The following SAMD8 variants were observed in gnomAD, a reference collection of about 807,000 sequenced individuals.
The protein encoded by SAMD8 is sphingomyelin synthase-related protein 1.
A neutral mutation model predicts 42.0 loss-of-function variants in SAMD8; 20 were observed. The ratio of observed to expected loss-of-function variants is 0.48; its 90% CI spans 0.34 to 0.69. The LOEUF is 0.69. Ranked by LOEUF, SAMD8 falls within the 30% of genes least tolerant of loss-of-function variation. SAMD8 has a pLI of 0.01. For missense variants in SAMD8, 328 were observed against 511.6 expected, an observed-to-expected ratio of 0.64 and a Z score of 3.46; for synonymous variants, 162 against 173.0, an observed-to-expected ratio of 0.94 and a Z score of 0.50.
intron 1 of SAMD8, among the ~76,000 whole-genome samples, chr10:75,132,055 G>A (rs2134446961): frequency 6.6e-6 from 1 of 152,208 alleles, no homozygotes; most frequent in African/African-American, 2.4e-5. Flanking sequence ...TAGTTTCCTT[G>A]GAAGCCTAGG....
rs755976175 is a variant in SAMD8, at chr10:75,177,568, TTAGA to T, written c.*879_*882del. 1 of 152,236 alleles carries T rather than the reference TTAGA, an allele frequency of 6.6e-6. No individual in the cohort carries two copies. Among genetic ancestry groups the T allele is most frequent in the Non-Finnish European group, 1.5e-5 (1 of 68,044 alleles). 9.4% of individuals were successfully genotyped at this position (152,236 alleles called of 1,614,324 possible). On this transcript the variant is annotated 3_prime_UTR_variant, in exon 6 of 6. Coordinates refer to ENST00000542569, the MANE Select transcript of SAMD8 (RefSeq NM_001174156.2). The stretch of plus-strand genomic sequence containing the variant: ...CCAAATAGGAGTGTTTTACCAGATG[TTAGA>T]TAAAGTTCTTAATGCCGTTAAGTAG...
intron 1 of SAMD8, among the ~76,000 whole-genome samples, chr10:75,106,113 T>G (rs1358070790): frequency 6.6e-6 from 1 of 150,574 alleles, no homozygotes; most frequent in Non-Finnish European, 1.5e-5. Context: ...TTTTTTTTTT[T>G]TTTTTTTTAG....
Position 75,176,013 on chromosome 10 carries a change from A to C in SAMD8, c.793-53A>C. 6.4e-7 allele frequency: 1 copy of C among 1,568,276 alleles called. No homozygotes were observed. Among genetic ancestry groups the C allele is most frequent in the Non-Finnish European group, 8.6e-7 (1 of 1,158,752 alleles). On this transcript the variant is annotated intron_variant, in intron 4 of 5. Coordinates refer to ENST00000542569, the MANE Select transcript of SAMD8 (RefSeq NM_001174156.2). This position sits in a 1 kb window ranked among gnomAD's most constrained non-coding sequence, Gnocchi z 4.3. Reference sequence around the variant, plus strand: ...ATTTCAATAGGAATGGATGTTGGGAAGTTCCCACCTCCCTAAGCATTTGAA... The same window carrying C: ...ATTTCAATAGGAATGGATGTTGGGACGTTCCCACCTCCCTAAGCATTTGAA...
chr10:75,160,840 A>G (rs541876546), intron 2 of SAMD8, among the ~76,000 whole-genome samples: 6 of 152,282 alleles, frequency 3.9e-5, no homozygotes, highest in African/African-American at 1.4e-4. Context: ...GATAGGAGCT[A>G]AATAGGGGAA....
intron 1 of SAMD8, chr10:75,103,747 G>A: frequency 1.7e-6 from 1 of 573,204 alleles, no homozygotes; most frequent in Non-Finnish European, 2.6e-6. Context: ...AGCCCTGAGG[G>A]GAGCTGCTGG....
intron 1 of SAMD8, among the ~76,000 whole-genome samples, chr10:75,100,353 GC>G (rs1428235753): frequency 6.6e-6 from 1 of 152,068 alleles, no homozygotes; most frequent in African/African-American, 2.4e-5. Flanking sequence ...TCAGGGTGTT[GC>G]CCCACCTGTC....
In SAMD8 at chr10:75,105,924, C is replaced by G; in HGVS notation, c.-16+6196C>G. ...TCCCACACACCGGCCCACCCACGGG[C>G]TGGGATGGGGACCCAAGTTCCTTTC... On this transcript the variant is annotated intron_variant, in intron 1 of 3. Coordinates refer to the SAMD8 transcript ENST00000447533. The G allele has an allele frequency of 2.7e-6, 4 of 1,506,356 alleles. No homozygotes were observed. The South Asian group carries it at 4.9e-5, about 18-fold the overall frequency. 93.3% of individuals were successfully genotyped at this position (1,506,356 alleles called of 1,614,324 possible).
chr10:75,118,603 C>T (rs933788551), intron 1 of SAMD8, among the ~76,000 whole-genome samples: 6 of 152,080 alleles, frequency 3.9e-5, no homozygotes, highest in African/African-American at 1.4e-4. Flanking sequence ...GAGATCACGC[C>T]GCTGCATTCC....
At chr10:75,111,458 C>T, upstream of SAMD8, 1 of 1,201,190 alleles carries the variant, frequency 8.3e-7, no homozygotes, top group Non-Finnish European at 1.0e-6. Context: ...CCGGTAGAAC[C>T]CCGTCCCCGG....
upstream of SAMD8, among the ~76,000 whole-genome samples, chr10:75,106,895 A>G (rs1159759959): frequency 6.6e-6 from 1 of 152,256 alleles, no homozygotes; most frequent in Admixed American, 6.5e-5. Context: ...AGGAAACTGA[A>G]GTCCAGAAAG....
At position 75,176,651 on chromosome 10, in the gene SAMD8, C is replaced by A; in HGVS notation, c.1207C>A (p.Pro403Thr). The A allele has an allele frequency of 6.5e-7, 1 of 1,540,734 alleles. No homozygotes were observed. Among genetic ancestry groups the A allele is most frequent in the Non-Finnish European group, 8.7e-7 (1 of 1,143,720 alleles). ...CACAGTACCTAATGAATATTGTTGG[C>A]CATTTTCAAAACCAGCAATAATGAA... is the stretch of plus-strand genomic sequence containing the variant. ...NGTVPNEYCW[P>T]FSKPAIMKRL... Residue 403 changes from proline to threonine, a missense_variant, in exon 6 of 6, where the codon CCA becomes ACA. Transcript: ENST00000542569. This position sits in a 1 kb window ranked among gnomAD's most constrained non-coding sequence, Gnocchi z 4.3.
chr10:75,102,985 C>CACTTATAG (rs959741215), intron 1 of SAMD8, among the ~76,000 whole-genome samples: 2 of 151,922 alleles, frequency 1.3e-5, no homozygotes, highest in African/African-American at 4.8e-5. Flanking sequence ...TGGTGGCACA[C>CACTTATAG]ACTTATAGTC....
intron 1 of SAMD8, among the ~76,000 whole-genome samples, chr10:75,140,735 A>G (rs1313151470): frequency 6.6e-6 from 1 of 152,244 alleles, no homozygotes; most frequent in Non-Finnish European, 1.5e-5. Context: ...TAGTTGTATA[A>G]TAAGTGTTTA....
chr10:75,152,478 C>T (rs578256435), intron 2 of SAMD8, among the ~76,000 whole-genome samples: 14 of 146,858 alleles, frequency 9.5e-5, no homozygotes, highest in East Asian at 6.0e-4. Flanking sequence ...GCCGAGATCC[C>T]GCCACTGCAC....
chr10:75,164,497 TCCCAG>T, intron 2 of SAMD8, 143 bp from the exon 3 acceptor site: 2 of 1,395,072 alleles, frequency 1.4e-6, no homozygotes, highest in African/African-American at 2.9e-5. Flanking sequence ...AGATTTTTTC[TCCCAG>T]TTTCTCCAAA....
intron 2 of SAMD8, among the ~76,000 whole-genome samples, chr10:75,163,564 G>C (rs1039748471): frequency 6.6e-6 from 1 of 152,020 alleles, no homozygotes; most frequent in African/African-American, 2.4e-5. Context: ...CTTCCAAGTA[G>C]CTGGGACTTA....
At chr10:75,128,153 A>G (rs956695503) in intron 1 of SAMD8, among the ~76,000 whole-genome samples, 5 of 148,382 alleles carry the variant, frequency 3.4e-5, no homozygotes, top group Non-Finnish European at 7.4e-5. Flanking sequence ...GCTCATTGCA[A>G]CCTCCGCCTC....
intron 2 of SAMD8, 139 bp from the exon 3 acceptor site, chr10:75,164,506 C>T (rs1840631026): frequency 2.9e-6 from 4 of 1,385,860 alleles, no homozygotes; most frequent in Non-Finnish European, 3.7e-6. Flanking sequence ...CTCCCAGTTT[C>T]TCCAAATATC....
intron 3 of SAMD8, among the ~76,000 whole-genome samples, chr10:75,165,784 T>TG (rs1295037275): frequency 6.6e-6 from 1 of 151,700 alleles, no homozygotes; most frequent in Non-Finnish European, 1.5e-5. Flanking sequence ...AAGACCAGCC[T>TG]GGGAAACATG....
Sources: allele counts gnomAD v4.1 joint callset (sites outside exome capture counted in the v4.1 genomes callset), GRCh38; gene constraint gnomAD v4.1.1; non-coding constraint Gnocchi (gnomAD v3.1); transcripts MANE v1.5; gene names NCBI Gene and HGNC (gene_info 2026-07-23, HGNC 2026-07-21).